Variants in LRRC52 observed in about 807,000 individuals in gnomAD.
LRRC52 encodes leucine-rich repeat-containing protein 52.
In LRRC52, 15 loss-of-function variants were observed where a neutral mutation model predicts 14.7. That is an observed-to-expected ratio of 1.02 (90% CI 0.68 to 1.58). The LOEUF is 1.58. LRRC52 is among the 40% of genes most tolerant of loss of function. The pLI, the probability that LRRC52 is intolerant of heterozygous loss-of-function variation, is 0.00. For synonymous variants in LRRC52, 180 were observed against 163.9 expected (o/e 1.10, Z -0.75); for missense variants, 400 against 387.7 (o/e 1.03, Z -0.27).
intron 1 of LRRC52, among the ~76,000 whole-genome samples, chr1:165,551,979 GAAA>G (rs148299176): frequency 8.3e-6 from 1 of 120,352 alleles, no homozygotes; most frequent in Non-Finnish European, 1.8e-5. Context: ...GGCTAAAAAA[GAAA>G]AAAAAAAAAA....
At chr1:165,559,444 G>A (rs1661300091) in intron 1 of LRRC52, among the ~76,000 whole-genome samples, 1 of 152,090 alleles carries the variant, frequency 6.6e-6, no homozygotes, top group African/African-American at 2.4e-5. Flanking sequence ...GCAGACCAAT[G>A]CACAGTAAAA....
rs1660967451 is a variant in LRRC52 at position 165,544,357 on chromosome 1, G to T, written c.61G>T (p.Val21Leu). 6.2e-7 allele frequency: 1 copy of T among 1,614,104 alleles called. No individual in the cohort carries two copies. The highest frequency in any genetic ancestry group is 2.2e-5 in the East Asian group (1 of 44,878). Residue 21 changes from valine (V) to leucine (L), a missense_variant, in exon 1 of 2, where the codon GTA becomes TTA. By Grantham distance (32) the Val-to-Leu change is conservative (BLOSUM62 1). Coordinates refer to ENST00000294818, the MANE Select transcript of LRRC52 (RefSeq NM_001005214.4). ...WLLFSFGMGL[V>L]SGSKCPNNCL... ...ACTCTTTTCCTTTGGAATGGGGCTG[G>T]TATCAGGGTCAAAGTGTCCAAATAA...
chr1:165,560,407 T>C (rs904922228), intron 1 of LRRC52, among the ~76,000 whole-genome samples: 3 of 152,194 alleles, frequency 2.0e-5, no homozygotes, highest in Admixed American at 6.5e-5. Context: ...ATTCAGTCAA[T>C]GAATGATAGC....
In LRRC52 at chr1:165,563,503, A is replaced by G; in HGVS notation, c.623-2A>G. The G allele has an allele frequency of 6.2e-7, 1 of 1,608,726 alleles. No homozygotes were observed. The highest frequency in any genetic ancestry group is 8.5e-7 in the Non-Finnish European group (1 of 1,176,762). ...CCCTGCCTGCTGTGTTTTTCTTCTTAGATGATCTAAATGCCACATGTGTGG... is the reference window on the plus strand; with the variant it reads ...CCCTGCCTGCTGTGTTTTTCTTCTTGGATGATCTAAATGCCACATGTGTGG... On this transcript the variant is annotated splice_acceptor_variant, in intron 1 of 1. Coordinates refer to ENST00000294818, the MANE Select transcript of LRRC52 (RefSeq NM_001005214.4). LOFTEE classifies it high-confidence loss of function.
chr1:165,553,031 G>A (rs748671303), intron 1 of LRRC52, among the ~76,000 whole-genome samples: 4 of 152,134 alleles, frequency 2.6e-5, no homozygotes. Flanking sequence ...TGTATGTTCT[G>A]ACCTGAAATT....
Position 165,544,866 on chromosome 1 carries a change from C to T in LRRC52, c.570C>T (p.Cys190=). The T allele has an allele frequency of 3.7e-6, 6 of 1,613,980 alleles. No homozygotes were observed. Among genetic ancestry groups the T allele is most frequent in the Non-Finnish European group, 5.1e-6 (6 of 1,179,860 alleles). The change falls in exon 1 of 2, where the codon TGC becomes TGT. Residue 190 remains cysteine (C), a synonymous_variant. Coordinates refer to ENST00000294818, the MANE Select transcript of LRRC52 (RefSeq NM_001005214.4). ...FLSGNPWKCN[C]SFLDFAIFLI... ...GTGGAAACCCCTGGAAGTGCAACTG[C>T]TCTTTCCTGGACTTCGCCATCTTCT...
At chr1:165,546,917 G>A (rs1661031509) in intron 1 of LRRC52, among the ~76,000 whole-genome samples, 1 of 152,134 alleles carries the variant, frequency 6.6e-6, no homozygotes, top group Non-Finnish European at 1.5e-5. Context: ...AAGATTATAA[G>A]CTCCTCATGA....
At chr1:165,562,333 T>A (rs1571114373) in intron 1 of LRRC52, among the ~76,000 whole-genome samples, 1 of 152,152 alleles carries the variant, frequency 6.6e-6, no homozygotes, top group Non-Finnish European at 1.5e-5. Flanking sequence ...TAATTTTGAT[T>A]ATGGTTGTCT....
chr1:165,551,847 G>C (rs1661137871), intron 1 of LRRC52, among the ~76,000 whole-genome samples: 1 of 152,062 alleles, frequency 6.6e-6, no homozygotes, highest in Admixed American at 6.6e-5. Context: ...TACCTACCAA[G>C]TACAAAGTCA....
chr1:165,558,348 C>T (rs911750729), intron 1 of LRRC52, among the ~76,000 whole-genome samples: 1 of 152,188 alleles, frequency 6.6e-6, no homozygotes, highest in South Asian at 2.1e-4. Context: ...TTAATGGAAG[C>T]TCCTGGAGTT....
chr1:165,546,662 C>A (rs1183113748), intron 1 of LRRC52, among the ~76,000 whole-genome samples: 3 of 152,072 alleles, frequency 2.0e-5, no homozygotes, highest in African/African-American at 7.2e-5. Context: ...TGGGACCTCC[C>A]ACCCCAGATG....
intron 1 of LRRC52, among the ~76,000 whole-genome samples, chr1:165,548,994 T>G (rs551768344): frequency 3.9e-5 from 6 of 152,174 alleles, no homozygotes; most frequent in Admixed American, 2.0e-4. Context: ...GGCGGGAATA[T>G]AGATAGAATG....
chr1:165,560,941 C>T (rs1192255896), intron 1 of LRRC52, among the ~76,000 whole-genome samples: 1 of 151,906 alleles, frequency 6.6e-6, no homozygotes, highest in African/African-American at 2.4e-5. Flanking sequence ...TGTTTTGAGC[C>T]AGAGTGTGAC....
intron 1 of LRRC52, among the ~76,000 whole-genome samples, chr1:165,554,996 A>C (rs143979922): frequency 2.0e-5 from 3 of 152,350 alleles, no homozygotes; most frequent in East Asian, 3.9e-4. Flanking sequence ...ATCTGAGTAC[A>C]TGCATTCACT....
rs1241039722 is a variant in LRRC52 at position 165,546,715 on chromosome 1, T to C, written c.622+1797T>C. 1.3e-5 allele frequency among the ~76,000 whole-genome samples: 2 copies of C among 152,186 alleles called. 1 individual carries two copies. The highest frequency in any genetic ancestry group is 4.1e-4 in the South Asian group (2 of 4,824). On this transcript the variant is annotated intron_variant, in intron 1 of 1. Transcript: ENST00000294818. ...TGGCTTCCACCCCAGCACCTAAGCCTACCATTTCACCTCCCACTCCATCTC... is the reference window on the plus strand; with the variant it reads ...TGGCTTCCACCCCAGCACCTAAGCCCACCATTTCACCTCCCACTCCATCTC...
At chr1:165,552,803 A>G (rs184605038) in intron 1 of LRRC52, among the ~76,000 whole-genome samples, 140 of 152,336 alleles carry the variant, frequency 9.2e-4, no homozygotes, top group African/African-American at 3.2e-3. Flanking sequence ...CCTGACACAG[A>G]GAAAATGCTC....
rs1412299577 is a variant in LRRC52 at position 165,556,375 on chromosome 1, A to G, written c.623-7130A>G. Among the ~76,000 whole-genome samples, 5 of 114,062 alleles carry G rather than the reference A, an allele frequency of 4.4e-5. No homozygotes were observed. The East Asian group carries it at 1.4e-3, about 32-fold the overall frequency. 74.8% of individuals were successfully genotyped at this position (114,062 alleles called of 152,430 possible). A position where few individuals can be genotyped will look rare whatever the true frequency, so the allele number is the denominator to read the frequency against. ...ACTTTTAACCTTTAAAAATCTATAG[A>G]CTCTATATACAAGGGGGGGAAATTG... On this transcript the variant is annotated intron_variant, in intron 1 of 1. Transcript: ENST00000294818.
chr1:165,544,315 C>G lies in LRRC52; in HGVS notation c.19C>G (p.Pro7Ala), dbSNP rs932952874. The G allele has an allele frequency of 6.2e-7, 1 of 1,613,820 alleles. No homozygotes were observed. Among genetic ancestry groups the G allele is most frequent in the Non-Finnish European group, 8.5e-7 (1 of 1,179,928 alleles). ...TCTTACTATGTCCCTTGCTTCAGGC[C>G]CTGGCCCTGGGTGGTTACTCTTTTC... Reference protein sequence around the residue: MSLASGPGPGWLLFSFG... With the variant: MSLASGAGPGWLLFSFG... The change falls in exon 1 of 2, where the codon CCT (proline) becomes GCT (alanine). Residue 7 changes from proline to alanine, a missense_variant. By Grantham distance (27) the Pro-to-Ala change is conservative. Coordinates refer to ENST00000294818, the MANE Select transcript of LRRC52 (RefSeq NM_001005214.4).
Position 165,563,921 on chromosome 1 carries a change from A to G in LRRC52, c.*97A>G, listed in dbSNP as rs1353747625. On this transcript the variant is annotated 3_prime_UTR_variant, in exon 2 of 2. Coordinates refer to ENST00000294818, the MANE Select transcript of LRRC52 (RefSeq NM_001005214.4). Reference sequence around the variant, plus strand: ...ACCTTGGAGCTGTCATAGAGATTGAAACCTTCTAGTAAAATAAATAAAATC... The same window carrying G: ...ACCTTGGAGCTGTCATAGAGATTGAGACCTTCTAGTAAAATAAATAAAATC... The G allele has an allele frequency of 6.3e-6, 8 of 1,277,214 alleles. No homozygotes were observed. The East Asian group carries it at 1.9e-4, about 30-fold the overall frequency. 79.1% of individuals were successfully genotyped at this position (1,277,214 alleles called of 1,614,324 possible).
Sources: allele counts gnomAD v4.1 joint callset (sites outside exome capture counted in the v4.1 genomes callset), GRCh38; gene constraint gnomAD v4.1.1; transcripts MANE v1.5; gene names NCBI Gene and HGNC (gene_info 2026-07-23, HGNC 2026-07-21).